The following SPNS3 variants were observed in gnomAD, a reference collection of about 807,000 sequenced individuals.
The protein encoded by SPNS3 is protein spinster homolog 3.
In SPNS3, 51 loss-of-function variants were observed where a neutral mutation model predicts 54.4. That is an observed-to-expected ratio of 0.94 (90% confidence interval 0.75 to 1.18). The LOEUF (loss-of-function observed/expected upper bound fraction) is 1.18. Among genes scored for constraint, SPNS3 ranks in the 50% most tolerant of loss-of-function variants. The pLI, the probability that SPNS3 is intolerant of heterozygous loss-of-function variation, is 0.00. For synonymous variants in SPNS3, 309 were observed against 294.7 expected (o/e 1.05, Z -0.50); for missense variants, 669 against 677.4 (o/e 0.99, Z 0.14).
rs141572672 is a variant in SPNS3 at position 4,475,641 on chromosome 17, T to A, written c.1114-2931T>A. Among the ~76,000 whole-genome samples, 23 of 152,194 alleles carry A rather than the reference T, an allele frequency of 1.5e-4. No homozygotes were observed. The East Asian group carries it at 3.3e-3, about 22-fold the overall frequency. On this transcript the variant is annotated intron_variant, in intron 8 of 11. Coordinates refer to ENST00000355530, the MANE Select transcript of SPNS3 (RefSeq NM_182538.5). ...TGTCTCCTGGCTGGCTCAGCCACAC[T>A]GGGCAGGAACAGAGATGTTTGGGGA...
At chr17:4,442,556 G>A (rs1357483762) in intron 2 of SPNS3, among the ~76,000 whole-genome samples, 1 of 151,772 alleles carries the variant, frequency 6.6e-6, no homozygotes, top group African/African-American at 2.4e-5. Context: ...AAAGAGAAGA[G>A]GAGTGGAAAG....
intron 8 of SPNS3, among the ~76,000 whole-genome samples, chr17:4,475,717 C>T (rs1424729701): frequency 4.6e-5 from 7 of 152,152 alleles, no homozygotes; most frequent in African/African-American, 1.7e-4. Flanking sequence ...TGCCTGTGGC[C>T]GTCCAGGAAG....
In SPNS3 at chr17:4,472,774, CTTTTTTTTTTTTTTTTTT is replaced by C. The variant is rs375118697; in HGVS notation, c.1114-5782_1114-5765del. Among the ~76,000 whole-genome samples the C allele has an allele frequency of 4.3e-4, 22 of 50,974 alleles. 1 individual carries two copies. In the East Asian group the frequency reaches 4.3e-3, roughly 10 times the overall value. 33.4% of individuals were successfully genotyped at this position (50,974 alleles called of 152,430 possible). A position where few individuals can be genotyped will look rare whatever the true frequency, so the allele number is the denominator to read the frequency against. ...ATTGTCTGCTCTTTTGCTTGGCAGC[CTTTTTTTTTTTTTTTTTT>C]TTTTTTTTTTTTTTTGAGGATTTTG... On this transcript the variant is annotated intron_variant, in intron 8 of 11. Transcript: ENST00000355530.
chr17:4,487,517 C>T (rs1017016079), intron 11 of SPNS3, among the ~76,000 whole-genome samples: 6 of 152,160 alleles, frequency 3.9e-5, no homozygotes, highest in Non-Finnish European at 8.8e-5. Context: ...AGAGGAGCAC[C>T]GAGGTGGTCT....
At chr17:4,479,925 T>A (rs1204979294) in intron 9 of SPNS3, among the ~76,000 whole-genome samples, 1 of 152,246 alleles carries the variant, frequency 6.6e-6, no homozygotes, top group Non-Finnish European at 1.5e-5. Flanking sequence ...TGGCTAGGAT[T>A]CTCACAGCAA....
chr17:4,436,537 C>CA (rs1567551145), intron 1 of SPNS3, among the ~76,000 whole-genome samples: 2 of 107,278 alleles, frequency 1.9e-5, no homozygotes, highest in Non-Finnish European at 4.8e-5. Flanking sequence ...GAGGCTGAAG[C>CA]GGGAGGATTG....
intron 8 of SPNS3, among the ~76,000 whole-genome samples, chr17:4,468,968 G>T (rs923221599): frequency 6.6e-5 from 10 of 151,574 alleles, no homozygotes; most frequent in African/African-American, 2.2e-4. Context: ...TGTGTTTTTG[G>T]TAGAGACGGG....
chr17:4,446,012 CTGGAACTCACCG>C (rs1567555621), intron 3 of SPNS3, 24 bp from the exon 4 acceptor site: 1 of 1,569,976 alleles, frequency 6.4e-7, no homozygotes, highest in Non-Finnish European at 8.7e-7. Context: ...TGGGTGATTT[CTGGAACTCACCG>C]TGGTCTTGTG....
chr17:4,474,667 G>A (rs1234730498), intron 8 of SPNS3, among the ~76,000 whole-genome samples: 1 of 152,196 alleles, frequency 6.6e-6, no homozygotes, highest in Non-Finnish European at 1.5e-5. Flanking sequence ...ATCCACTCTT[G>A]TGCATGGATG....
chr17:4,468,721 T>TTTTCTTTCTTTCTTTCTC (rs1971756026), intron 8 of SPNS3, among the ~76,000 whole-genome samples: 1 of 121,372 alleles, frequency 8.2e-6, no homozygotes, highest in African/African-American at 3.2e-5. Flanking sequence ...TCTCTCTTTC[T>TTTTCTTTCTTTCTTTCTC]TTTCTTTCTT....
In SPNS3 at chr17:4,434,182, C is replaced by G. The variant is rs1408623985; in HGVS notation, c.199+16C>G. On this transcript the variant is annotated intron_variant, in intron 1 of 11. Coordinates refer to ENST00000355530, the MANE Select transcript of SPNS3 (RefSeq NM_182538.5). The stretch of plus-strand genomic sequence containing the variant: ...ATCATTGCAGGTGAGGAGGGGATGG[C>G]TACCCTGGGCAGTACCTGCTGCTGT... 1.3e-6 allele frequency: 2 copies of G among 1,598,160 alleles called. No individual in the cohort carries two copies. Among genetic ancestry groups the G allele is most frequent in the East Asian group, 4.5e-5 (2 of 44,148 alleles).
chr17:4,439,646 C>T lies in SPNS3; in HGVS notation c.200-12C>T. The T allele has an allele frequency of 6.2e-7, 1 of 1,611,844 alleles. No homozygotes were observed. The highest frequency in any genetic ancestry group is 1.1e-5 in the South Asian group (1 of 90,358). On this transcript the variant is annotated splice_polypyrimidine_tract_variant and intron_variant, in intron 1 of 11. Coordinates refer to ENST00000355530, the MANE Select transcript of SPNS3 (RefSeq NM_182538.5). Reference sequence around the variant, plus strand: ...ACTTCCCGTTTCCTGAGCACTGTCCCTCTGTCTGCAGGAGTGCTGCTGGAT... The same window carrying T: ...ACTTCCCGTTTCCTGAGCACTGTCCTTCTGTCTGCAGGAGTGCTGCTGGAT...
At chr17:4,468,687 C>T (rs942107436) in intron 8 of SPNS3, among the ~76,000 whole-genome samples, 1 of 150,226 alleles carries the variant, frequency 6.7e-6, no homozygotes, top group African/African-American at 2.4e-5. Flanking sequence ...GGACATTCAA[C>T]TGGACCTCTT....
intron 9 of SPNS3, among the ~76,000 whole-genome samples, chr17:4,482,936 G>C (rs1458471863): frequency 6.6e-6 from 1 of 152,190 alleles, no homozygotes; most frequent in Non-Finnish European, 1.5e-5. Flanking sequence ...CAGAAGGGGA[G>C]CTCATTCCCT....
In SPNS3 at chr17:4,453,121, C is replaced by T. The variant is rs781366952; in HGVS notation, c.1029C>T (p.Leu343=). 9 of 1,614,130 alleles carry T rather than the reference C, an allele frequency of 5.6e-6. No homozygotes were observed. Among genetic ancestry groups the T allele is most frequent in the East Asian group, 4.5e-5 (2 of 44,870 alleles). ...YKKVIPGAEP[L]ICASSLLATA... ...AAGTCATTCCAGGAGCTGAGCCCCT[C>T]ATCTGCGCCTCCAGCCTGCTTGCCA... The change falls in exon 8 of 12, where the codon CTC becomes CTT. Residue 343 remains leucine (L), a synonymous_variant. Transcript: ENST00000355530.
At chr17:4,463,479 G>C (rs1435023606) in intron 8 of SPNS3, among the ~76,000 whole-genome samples, 2 of 145,868 alleles carry the variant, frequency 1.4e-5, no homozygotes, top group South Asian at 4.4e-4. Context: ...TGTAATCCCA[G>C]CACTTTGGGA....
At chr17:4,463,058 G>A (rs1368180825) in intron 8 of SPNS3, among the ~76,000 whole-genome samples, 3 of 152,094 alleles carry the variant, frequency 2.0e-5, no homozygotes, top group Non-Finnish European at 2.9e-5. Context: ...GCTGGTGTGT[G>A]CATGCATCTG....
chr17:4,443,546 A>G (rs1345891136), intron 2 of SPNS3, among the ~76,000 whole-genome samples: 2 of 152,224 alleles, frequency 1.3e-5, no homozygotes, highest in Non-Finnish European at 2.9e-5. Context: ...GGACATTTAC[A>G]TGAAGCTATG....
chr17:4,485,349 G>C (rs887763823), intron 9 of SPNS3: 2 of 152,306 alleles, frequency 1.3e-5, no homozygotes, highest in East Asian at 3.9e-4. Context: ...TAGCGAGTGG[G>C]GATCTGGATC....
Sources: allele counts gnomAD v4.1 joint callset (sites outside exome capture counted in the v4.1 genomes callset), GRCh38; gene constraint gnomAD v4.1.1; transcripts MANE v1.5; gene names NCBI Gene and HGNC (gene_info 2026-07-23, HGNC 2026-07-21).